Variants in HGFAC observed in about 807,000 individuals in gnomAD.
HGFAC encodes hepatocyte growth factor activator serine protease.
In HGFAC, 76 loss-of-function variants were observed where a neutral mutation model predicts 70.6. The ratio of observed to expected loss-of-function variants is 1.08; its 90% CI spans 0.89 to 1.30. HGFAC has a LOEUF of 1.30. HGFAC is among the 50% of genes most tolerant of loss of function. The pLI is 0.00. For synonymous variants in HGFAC, 464 were observed against 405.3 expected (o/e 1.14, Z -1.74); for missense variants, 1,044 against 933.7 (o/e 1.12, Z -1.54).
chr4:3,445,853 G>A (rs753737934), intron 9 of HGFAC, 189 bp from the exon 10 acceptor site: 205 of 1,535,128 alleles, frequency 1.3e-4, no homozygotes, highest in South Asian at 4.9e-4. Context: ...CCTCGGGATC[G>A]GGCATCAAAC....
At chr4:3,448,839 G>T (rs1256638516) in intron 13 of HGFAC, among the ~76,000 whole-genome samples, 2 of 152,208 alleles carry the variant, frequency 1.3e-5, no homozygotes, top group African/African-American at 4.8e-5. Flanking sequence ...AGTGGGTAGG[G>T]CTTGTCACTG....
chr4:3,447,125 A>G (rs16844394), intron 10 of HGFAC, among the ~76,000 whole-genome samples: 2,463 of 152,260 alleles, frequency 0.016, 70 homozygotes, highest in African/African-American at 0.057. Flanking sequence ...GGACCCCACA[A>G]TGTGGATGGA....
chr4:3,444,978 C>A lies in HGFAC; in HGVS notation c.1001C>A (p.Pro334His). 1 of 1,594,896 alleles carries A rather than the reference C, an allele frequency of 6.3e-7. No individual in the cohort carries two copies. Among genetic ancestry groups the A allele is most frequent in the Admixed American group, 1.7e-5 (1 of 57,844 alleles). Residue 334 changes from proline (P) to histidine (H), a missense_variant, in exon 8 of 14, where the codon CCC becomes CAC. Physicochemically the swap from Pro to His is moderately conservative, Grantham distance 77. Coordinates refer to ENST00000382774, the MANE Select transcript of HGFAC (RefSeq NM_001528.4). ...VGAAALLGLG[P>H]HAYCRNPDND... Reference sequence around the variant, plus strand: ...GCCGCGGCCCTGCTGGGCCTGGGCCCCCATGCCTACTGCCGGTCAGCACCA... The same window carrying A: ...GCCGCGGCCCTGCTGGGCCTGGGCCACCATGCCTACTGCCGGTCAGCACCA...
Position 3,442,807 on chromosome 4 carries a change from T to C in HGFAC, c.193T>C (p.Ser65Pro). 1 of 1,589,732 alleles carries C rather than the reference T, an allele frequency of 6.3e-7. No individual in the cohort carries two copies. Among genetic ancestry groups the C allele is most frequent in the Non-Finnish European group, 8.5e-7 (1 of 1,169,832 alleles). ...CACTATCCTGGTGACCTCTGTGACC[T>C]CTGAGACCCCAGCAACAAGTGCTCC... ...IPTILVTSVTSETPATSAPEA... is the reference protein window; with the variant it reads ...IPTILVTSVTPETPATSAPEA... The change falls in exon 2 of 14, where the codon TCT (serine) becomes CCT (proline). Residue 65 changes from serine to proline, a missense_variant. Coordinates refer to ENST00000382774, the MANE Select transcript of HGFAC (RefSeq NM_001528.4).
Position 3,446,084 on chromosome 4 carries a change from C to A in HGFAC, c.1145C>A (p.Thr382Asn). 6.2e-7 allele frequency: 1 copy of A among 1,609,794 alleles called. No individual in the cohort carries two copies. The highest frequency in any genetic ancestry group is 8.5e-7 in the Non-Finnish European group (1 of 1,178,730). ...CAACTGTCACCGGATCTCCTGGCGA[C>A]CCTGCCTGAGCCAGCCTCCCCGGGG... Reference protein sequence around the residue: ...RVQLSPDLLATLPEPASPGRQ... With the variant: ...RVQLSPDLLANLPEPASPGRQ... Residue 382 changes from threonine to asparagine, a missense_variant, in exon 10 of 14, where the codon ACC becomes AAC. By Grantham distance (65) the Thr-to-Asn change is moderately conservative. Coordinates refer to ENST00000382774, the MANE Select transcript of HGFAC (RefSeq NM_001528.4).
In HGFAC at chr4:3,448,267, C is replaced by T. The variant is rs371799937; in HGVS notation, c.1776C>T (p.Asp592=). The change falls in exon 13 of 14, where the codon GAC becomes GAT. Residue 592 remains aspartate (D), a synonymous_variant. Coordinates refer to ENST00000382774, the MANE Select transcript of HGFAC (RefSeq NM_001528.4). ...CCGGCTACTTCGACTGCAAGTCCGA[C>T]GCCTGCCAGGTGAGCTGGTGCCCGC... is the stretch of plus-strand genomic sequence containing the variant. ...LCAGYFDCKS[D]ACQGDSGGPL... The T allele has an allele frequency of 4.9e-5, 79 of 1,605,352 alleles. No homozygotes were observed. Among genetic ancestry groups the T allele is most frequent in the East Asian group, 6.7e-5 (3 of 44,870 alleles).
intron 13 of HGFAC, 41 bp downstream of exon 13, chr4:3,448,317 G>C (rs764931312): frequency 1.3e-6 from 2 of 1,587,728 alleles, no homozygotes; most frequent in Admixed American, 1.7e-5. Context: ...ACTGGTGGGG[G>C]CTCAGCTGGT....
intron 13 of HGFAC, 41 bp from the exon 14 acceptor site, chr4:3,449,196 A>G: frequency 6.3e-7 from 1 of 1,576,764 alleles, no homozygotes; most frequent in Non-Finnish European, 8.6e-7. Flanking sequence ...TCCCTGAACC[A>G]GGCCCCTGGG....
intron 10 of HGFAC, among the ~76,000 whole-genome samples, chr4:3,446,869 T>G (rs1009282191): frequency 6.6e-6 from 1 of 152,044 alleles, no homozygotes; most frequent in South Asian, 2.1e-4. Context: ...CAGCCGAGGG[T>G]CTGGCGGCCT....
chr4:3,445,776 G>A, intron 9 of HGFAC: 1 of 1,163,172 alleles, frequency 8.6e-7, no homozygotes, highest in Non-Finnish European at 1.2e-6. Flanking sequence ...GGCTGGCTGT[G>A]GGGTTCCGGG....
intron 13 of HGFAC, 29 bp downstream of exon 13, chr4:3,448,305 C>T (rs572883339): frequency 4.5e-5 from 72 of 1,602,480 alleles, no homozygotes; most frequent in Middle Eastern, 2.3e-4. Flanking sequence ...CACCAGGACC[C>T]GACTGGTGGG....
intron 9 of HGFAC, 199 bp downstream of exon 9, chr4:3,445,549 GGGGC>G (rs1421460546): frequency 5.1e-5 from 31 of 611,686 alleles, no homozygotes; most frequent in Non-Finnish European, 8.8e-5. Context: ...CCCGCTGCAG[GGGGC>G]TGGTCACCAG....
Position 3,449,405 on chromosome 4 carries a change from G to C in HGFAC, c.1954G>C (p.Val652Leu). The part of the protein sequence containing the change: ...NDRIRPPRRL[V>L]APS ...CCGGATACGGCCTCCCAGGCGGCTTGTGGCTCCCTCCTGACCCTCCAGCGG... is the reference window on the plus strand; with the variant it reads ...CCGGATACGGCCTCCCAGGCGGCTTCTGGCTCCCTCCTGACCCTCCAGCGG... Residue 652 changes from valine (V) to leucine (L), a missense_variant, in exon 14 of 14, where the codon GTG becomes CTG. Coordinates refer to ENST00000382774, the MANE Select transcript of HGFAC (RefSeq NM_001528.4). 6.4e-7 allele frequency: 1 copy of C among 1,561,998 alleles called. No homozygotes were observed. The highest frequency in any genetic ancestry group is 8.7e-7 in the Non-Finnish European group (1 of 1,150,074).
chr4:3,447,188 G>A (rs1305090388), intron 10 of HGFAC, among the ~76,000 whole-genome samples: 2 of 152,212 alleles, frequency 1.3e-5, no homozygotes, highest in Non-Finnish European at 2.9e-5. Context: ...GGTCGGCCTT[G>A]CAGCCGATCC....
intron 9 of HGFAC, chr4:3,445,573 T>C: frequency 1.6e-6 from 1 of 606,152 alleles, no homozygotes; most frequent in South Asian, 2.0e-5. Context: ...GGCGACGGCC[T>C]CGGGGTGGCA....
At chr4:3,445,583 AC>A in intron 9 of HGFAC, 1 of 605,416 alleles carries the variant, frequency 1.7e-6, no homozygotes, top group East Asian at 2.7e-5. Flanking sequence ...TCGGGGTGGC[AC>A]CTGCCCAGCC....
intron 10 of HGFAC, among the ~76,000 whole-genome samples, chr4:3,446,676 CA>C (rs1725524920): frequency 6.6e-6 from 1 of 152,158 alleles, no homozygotes; most frequent in Admixed American, 6.5e-5. Flanking sequence ...GGAGCCCAAG[CA>C]CAGCCAGGGA....
chr4:3,444,996 C>T lies in HGFAC; in HGVS notation c.1016+3C>T, dbSNP rs1725452127. 3 of 1,571,388 alleles carry T rather than the reference C, an allele frequency of 1.9e-6. No homozygotes were observed. Among genetic ancestry groups the T allele is most frequent in the East Asian group, 2.3e-5 (1 of 44,302 alleles). ...CTGGGCCCCCATGCCTACTGCCGGTCAGCACCACGCCGCTCCAGGCCGCCG... is the reference window on the plus strand; with the variant it reads ...CTGGGCCCCCATGCCTACTGCCGGTTAGCACCACGCCGCTCCAGGCCGCCG... On this transcript the variant is annotated splice_donor_region_variant and intron_variant, in intron 8 of 13. Coordinates refer to ENST00000382774, the MANE Select transcript of HGFAC (RefSeq NM_001528.4).
Position 3,448,012 on chromosome 4 carries a change from CG to C in HGFAC, c.1616del (p.Gly539AlafsTer9), listed in dbSNP as rs1560194725. 1.9e-6 allele frequency: 3 copies of C among 1,560,256 alleles called. No individual in the cohort carries two copies. The highest frequency in any genetic ancestry group is 2.6e-6 in the Non-Finnish European group (3 of 1,153,190). ...CCCGCAGGACACAAGTGCCAGATTG[CG>C]GGCTGGGGCCACTTGGATGAGAGTG... ...TFPAGHKCQI[A>X]GWGHLDENVS... is the part of the protein sequence containing the mutation. On this transcript the variant is annotated frameshift_variant, in exon 12 of 14. Coordinates refer to ENST00000382774, the MANE Select transcript of HGFAC (RefSeq NM_001528.4). LOFTEE classifies it high-confidence loss of function.
Sources: allele counts gnomAD v4.1 joint callset (sites outside exome capture counted in the v4.1 genomes callset), GRCh38; gene constraint gnomAD v4.1.1; transcripts MANE v1.5; gene names NCBI Gene and HGNC (gene_info 2026-07-23, HGNC 2026-07-21).